BIRC6: variants seen among roughly 807,000 people sequenced by gnomAD.
BIRC6 encodes dual E2 ubiquitin-conjugating enzyme/E3 ubiquitin-protein ligase BIRC6.
Under a neutral mutation model 503.3 loss-of-function variants are expected in BIRC6, and 98 were observed. The observed-to-expected ratio is 0.19, with a 90% CI of 0.17 to 0.23. The LOEUF is 0.23. Among genes scored for constraint, BIRC6 ranks in the 10% least tolerant of loss-of-function variants. The probability of loss-of-function intolerance (pLI) is 1.00; values close to 1 mark genes in which losing one functional copy is unlikely to be tolerated. For synonymous variants in BIRC6, 2,240 were observed against 2,078.7 expected, an observed-to-expected ratio of 1.08 and a Z score of -2.11; for missense variants, 5,360 against 5,806.0, an observed-to-expected ratio of 0.92 and a Z score of 2.50.
chr2:32,395,774 G>T (rs571383466), intron 6 of BIRC6, among the ~76,000 whole-genome samples, 181 bp downstream of exon 6: 1 of 152,312 alleles, frequency 6.6e-6, no homozygotes, highest in East Asian at 1.9e-4. Flanking sequence ...TACAGTGTCT[G>T]TAAGTTTGAC....
chr2:32,545,095 A>G (rs2057962843), intron 62 of BIRC6, among the ~76,000 whole-genome samples: 1 of 152,138 alleles, frequency 6.6e-6, no homozygotes, highest in Non-Finnish European at 1.5e-5. Context: ...TTTTTAGTGC[A>G]TATACAATGA....
intron 24 of BIRC6, 53 bp downstream of exon 24, chr2:32,463,434 A>G (rs2048206999): frequency 2.7e-6 from 4 of 1,473,718 alleles, no homozygotes; most frequent in Non-Finnish European, 3.6e-6. Context: ...TCAAAAGCTG[A>G]AAAAGTACTT....
At chr2:32,493,501 C>A (rs768002179) in intron 44 of BIRC6, 39 bp from the exon 45 acceptor site, 1 of 1,534,952 alleles carries the variant, frequency 6.5e-7, no homozygotes, top group Non-Finnish European at 8.9e-7. Context: ...TTACATGTTA[C>A]CAGTAAGCAG....
At chr2:32,578,979 A>ATATATATATATATATATATATATAT (rs1424095222) in intron 66 of BIRC6, among the ~76,000 whole-genome samples, 43 of 74,306 alleles carry the variant, frequency 5.8e-4, no homozygotes, top group African/African-American at 2.5e-3. Context: ...TTATATACCT[A>ATATATATATATATATATATATATAT]ATATATATAT....
chr2:32,553,043 C>T (rs1377035355), intron 65 of BIRC6, among the ~76,000 whole-genome samples: 2 of 144,268 alleles, frequency 1.4e-5, no homozygotes, highest in Non-Finnish European at 3.0e-5. Flanking sequence ...AAACAAAAAA[C>T]AAAATTAGCC....
intron 1 of BIRC6, among the ~76,000 whole-genome samples, chr2:32,358,037 G>A (rs868019901): frequency 2.4e-5 from 2 of 84,992 alleles, no homozygotes; most frequent in African/African-American, 9.7e-5. Context: ...GGGGGTGGGG[G>A]TGGGGTGGGG....
intron 65 of BIRC6, chr2:32,565,649 A>G (rs1226738211): frequency 6.6e-6 from 1 of 152,206 alleles, no homozygotes; most frequent in Non-Finnish European, 1.5e-5. Context: ...ATATTAGTTC[A>G]TTGTCACACT....
chr2:32,465,031 A>G (rs1467128856), intron 25 of BIRC6, 34 bp from the exon 26 acceptor site: 1 of 1,399,562 alleles, frequency 7.1e-7, no homozygotes, highest in Non-Finnish European at 9.8e-7. Flanking sequence ...TAATATCAAT[A>G]TAAAGTTAGA....
chr2:32,508,871 T>G (rs1572700195), intron 51 of BIRC6, among the ~76,000 whole-genome samples: 1 of 151,900 alleles, frequency 6.6e-6, no homozygotes, highest in South Asian at 2.1e-4. Flanking sequence ...GATCACGAGG[T>G]CAGGAGATCG....
At chr2:32,611,178 T>A (rs2062851097) in intron 72 of BIRC6, among the ~76,000 whole-genome samples, 1 of 151,750 alleles carries the variant, frequency 6.6e-6, no homozygotes, top group South Asian at 2.1e-4. Flanking sequence ...CGACCTTGGC[T>A]CACTGCAAGC....
At position 32,357,025 on chromosome 2, in the gene BIRC6, C is replaced by A; in HGVS notation, c.-137C>A. 1.3e-6 allele frequency: 1 copy of A among 782,578 alleles called. No homozygotes were observed. Among genetic ancestry groups the A allele is most frequent in the Non-Finnish European group, 1.9e-6 (1 of 534,466 alleles). The allele number at this position is 782,578 out of a possible 1,614,324, so 48.5% of individuals were successfully genotyped here. A position where few individuals can be genotyped will look rare whatever the true frequency, so the allele number is the denominator to read the frequency against. On this transcript the variant is annotated 5_prime_UTR_variant, in exon 1 of 74. Transcript: ENST00000421745. The surrounding 1 kb of genome is among the most constrained non-coding windows in gnomAD (Gnocchi z 4.9). ...CCAGCCCGCGCCCCGGGCCCCGCCTCCCTCCCTGCTTCTCCCCCTCTCCCG... is the reference window on the plus strand; with the variant it reads ...CCAGCCCGCGCCCCGGGCCCCGCCTACCTCCCTGCTTCTCCCCCTCTCCCG...
chr2:32,395,169 A>G (rs1266843464), intron 5 of BIRC6, among the ~76,000 whole-genome samples: 2 of 152,082 alleles, frequency 1.3e-5, no homozygotes, highest in Non-Finnish European at 2.9e-5. Flanking sequence ...AGCAACAACG[A>G]CAACAACAGA....
chr2:32,440,415 T>C (rs2045280672), intron 16 of BIRC6, among the ~76,000 whole-genome samples: 1 of 152,190 alleles, frequency 6.6e-6, no homozygotes, highest in Non-Finnish European at 1.5e-5. Context: ...TCCTCATGGT[T>C]GATTTTCTGA....
intron 6 of BIRC6, among the ~76,000 whole-genome samples, chr2:32,400,510 C>T (rs796798658): frequency 5.3e-5 from 8 of 151,622 alleles, no homozygotes; most frequent in African/African-American, 1.9e-4. Context: ...AGCTAATTTT[C>T]GTATTTTTAG....
chr2:32,531,345 T>C lies in BIRC6; in HGVS notation c.12095-10T>C. 1 of 1,594,358 alleles carries C rather than the reference T, an allele frequency of 6.3e-7. No homozygotes were observed. Among genetic ancestry groups the C allele is most frequent in the Middle Eastern group, 1.7e-4 (1 of 5,964 alleles). On this transcript the variant is annotated splice_polypyrimidine_tract_variant and intron_variant, in intron 60 of 73. Transcript: ENST00000421745. ...CTTACCTATTCAGTTATTTGTAATT[T>C]ATTGTCTAGATCATGGAGACTTACT...
At chr2:32,561,893 C>T (rs140834548) in intron 65 of BIRC6, among the ~76,000 whole-genome samples, 2,498 of 151,566 alleles carry the variant, frequency 0.016, 53 homozygotes, top group African/African-American at 0.058. Context: ...AATACAAAAA[C>T]TAGCCAGGCG....
chr2:32,579,066 A>G (rs995160621), intron 66 of BIRC6, among the ~76,000 whole-genome samples: 1 of 142,030 alleles, frequency 7.0e-6, no homozygotes, highest in Non-Finnish European at 1.5e-5. Context: ...ATGTATACCT[A>G]ATATATATAT....
At chr2:32,590,734 C>A in intron 66 of BIRC6, 1 of 950,842 alleles carries the variant, frequency 1.1e-6, no homozygotes, top group South Asian at 4.9e-5. Flanking sequence ...GAATTCACAG[C>A]ATAGTGGAAA....
At chr2:32,583,122 G>C (rs562386545) in intron 66 of BIRC6, among the ~76,000 whole-genome samples, 1 of 152,324 alleles carries the variant, frequency 6.6e-6, no homozygotes, top group South Asian at 2.1e-4. Context: ...CAAGGAATGA[G>C]TGTACTTTTT....
Sources: allele counts gnomAD v4.1 joint callset (sites outside exome capture counted in the v4.1 genomes callset), GRCh38; gene constraint gnomAD v4.1.1; non-coding constraint Gnocchi (gnomAD v3.1); transcripts MANE v1.5; gene names NCBI Gene and HGNC (gene_info 2026-07-23, HGNC 2026-07-21).